The following STPG2 variants were observed in gnomAD, a reference collection of about 807,000 sequenced individuals.
STPG2 encodes sperm-tail PG-rich repeat-containing protein 2.
STPG2 carries 56 observed loss-of-function variants against 54.2 expected under a neutral mutation model. The ratio of observed to expected loss-of-function variants is 1.03; its 90% confidence interval spans 0.83 to 1.29. The LOEUF (loss-of-function observed/expected upper bound fraction) is 1.29, where lower values mean the gene tolerates loss of function less well. STPG2 is among the 50% of genes most tolerant of loss of function. The pLI is 0.00. For synonymous variants in STPG2, 200 were observed against 181.8 expected, an observed-to-expected ratio of 1.10 and a Z score of -0.81; for missense variants, 596 against 544.9, an observed-to-expected ratio of 1.09 and a Z score of -0.93.
chr4:97,737,221 C>G (rs1742196117), intron 9 of STPG2, among the ~76,000 whole-genome samples: 1 of 152,154 alleles, frequency 6.6e-6, no homozygotes, highest in South Asian at 2.1e-4. Context: ...ATGTCACCAT[C>G]ATCAAAGACC....
chr4:97,680,090 G>C (rs1236448193), intron 10 of STPG2, among the ~76,000 whole-genome samples: 1 of 151,924 alleles, frequency 6.6e-6, no homozygotes, highest in South Asian at 2.1e-4. Context: ...TTTTGGCTTA[G>C]GATTGACTTG....
chr4:97,806,187 T>TA (rs1431452112), intron 9 of STPG2, among the ~76,000 whole-genome samples: 1 of 152,080 alleles, frequency 6.6e-6, no homozygotes, highest in African/African-American at 2.4e-5. Flanking sequence ...TATGCAGCCA[T>TA]AAAAAAGAAT....
intron 10 of STPG2, among the ~76,000 whole-genome samples, chr4:97,678,035 T>C (rs1188240554): frequency 6.6e-6 from 1 of 152,130 alleles, no homozygotes; most frequent in East Asian, 1.9e-4. Flanking sequence ...AGCCATATAA[T>C]TGTTTCTTTA....
intron 4 of STPG2, among the ~76,000 whole-genome samples, chr4:97,472,202 C>A (rs1031331403): frequency 3.3e-5 from 5 of 152,156 alleles, no homozygotes; most frequent in African/African-American, 1.2e-4. Flanking sequence ...CTTAGTGGGG[C>A]AGAAATTCAT....
chr4:97,500,363 A>G (rs1376225150), intron 4 of STPG2, among the ~76,000 whole-genome samples: 2 of 152,080 alleles, frequency 1.3e-5, no homozygotes, highest in Admixed American at 6.6e-5. Flanking sequence ...ACTATTAAAG[A>G]AGCAGAAACT....
chr4:97,961,688 A>G (rs935855347), intron 7 of STPG2, among the ~76,000 whole-genome samples: 1 of 152,210 alleles, frequency 6.6e-6, no homozygotes, highest in African/African-American at 2.4e-5. Context: ...AATGGCCATA[A>G]TCAAAAAATC....
intron 3 of STPG2, among the ~76,000 whole-genome samples, chr4:98,126,450 G>A (rs905329721): frequency 2.0e-5 from 3 of 152,132 alleles, no homozygotes; most frequent in African/African-American, 7.2e-5. Context: ...GTAGTTTCCT[G>A]GACAGGGTAA....
chr4:97,923,988 C>T (rs1041673801), intron 8 of STPG2, among the ~76,000 whole-genome samples: 5 of 152,306 alleles, frequency 3.3e-5, no homozygotes, highest in African/African-American at 1.2e-4. Context: ...CCAGCAGTGG[C>T]AACCCACTTG....
chr4:97,564,370 G>A (rs1372580791), intron 10 of STPG2, among the ~76,000 whole-genome samples: 1 of 152,070 alleles, frequency 6.6e-6, no homozygotes, highest in Admixed American at 6.6e-5. Context: ...ACACTGATGG[G>A]TCTTGACTCT....
intron 9 of STPG2, among the ~76,000 whole-genome samples, chr4:97,740,552 T>C (rs1370850740): frequency 6.6e-6 from 1 of 152,068 alleles, no homozygotes; most frequent in African/African-American, 2.4e-5. Flanking sequence ...ATCACAAGCA[T>C]TCTTATACAC....
chr4:97,978,185 T>C (rs1578750671), intron 6 of STPG2, among the ~76,000 whole-genome samples: 5 of 152,158 alleles, frequency 3.3e-5, no homozygotes, highest in African/African-American at 9.7e-5. Context: ...CCCAAAGGAA[T>C]ATAAACTGTT....
intron 7 of STPG2, among the ~76,000 whole-genome samples, chr4:97,944,364 A>G: frequency 6.6e-6 from 1 of 151,960 alleles, no homozygotes; most frequent in African/African-American, 2.4e-5. Context: ...ACAATTTATT[A>G]TTAATAAAAA....
At chr4:97,734,284 C>T (rs1347613919) in intron 9 of STPG2, among the ~76,000 whole-genome samples, 1 of 152,036 alleles carries the variant, frequency 6.6e-6, no homozygotes, top group African/African-American at 2.4e-5. Context: ...ACTTTTATTT[C>T]AAATTCAGGA....
At chr4:97,465,863 C>A (rs1038870526) in intron 4 of STPG2, among the ~76,000 whole-genome samples, 24 of 151,560 alleles carry the variant, frequency 1.6e-4, no homozygotes, top group African/African-American at 5.3e-4. Flanking sequence ...GATAAGGAAC[C>A]CACAGAGACA....
intron 4 of STPG2, among the ~76,000 whole-genome samples, chr4:97,513,315 C>T (rs1394397117): frequency 6.6e-6 from 1 of 152,040 alleles, no homozygotes; most frequent in Non-Finnish European, 1.5e-5. Flanking sequence ...CCTCTAAATC[C>T]TGTCTTTTGG....
At chr4:97,484,271 G>A (rs954205146) in intron 4 of STPG2, among the ~76,000 whole-genome samples, 3 of 151,366 alleles carry the variant, frequency 2.0e-5, no homozygotes, top group Admixed American at 6.6e-5. Flanking sequence ...TATAAATGAA[G>A]CAAACAGCCA....
intron 4 of STPG2, among the ~76,000 whole-genome samples, chr4:97,477,395 G>T (rs912949119): frequency 6.6e-6 from 1 of 151,394 alleles, no homozygotes; most frequent in South Asian, 2.1e-4. Context: ...TCCTAGAAAA[G>T]TATGCAAAGA....
chr4:97,508,244 A>T (rs1263097199), intron 4 of STPG2, among the ~76,000 whole-genome samples: 1 of 152,078 alleles, frequency 6.6e-6, no homozygotes, highest in East Asian at 1.9e-4. Flanking sequence ...GGCATGACTG[A>T]AATATTGAGA....
At chr4:97,505,616 T>C (rs1269608243) in intron 4 of STPG2, among the ~76,000 whole-genome samples, 1 of 151,986 alleles carries the variant, frequency 6.6e-6, no homozygotes, top group African/African-American at 2.4e-5. Context: ...ATTGTCCTTA[T>C]AATGAGTTAT....
Sources: allele counts gnomAD v4.1 joint callset (sites outside exome capture counted in the v4.1 genomes callset), GRCh38; gene constraint gnomAD v4.1.1; transcripts MANE v1.5; gene names NCBI Gene and HGNC (gene_info 2026-07-23, HGNC 2026-07-21).